Variants in TMCC1 observed in about 807,000 individuals in gnomAD.
TMCC1 encodes the protein transmembrane and coiled-coil domains protein 1.
TMCC1 carries 15 observed loss-of-function variants against 52.4 expected under a neutral mutation model. The observed-to-expected ratio is 0.29, with a 90% CI of 0.19 to 0.44. TMCC1 has a LOEUF of 0.44. Ranked by LOEUF, TMCC1 falls within the 20% of genes least tolerant of loss-of-function variation. The pLI is 1.00. For synonymous variants in TMCC1, 279 were observed against 301.9 expected, an observed-to-expected ratio of 0.92 and a Z score of 0.79; for missense variants, 503 against 806.0, an observed-to-expected ratio of 0.62 and a Z score of 4.55.
intron 2 of TMCC1, among the ~76,000 whole-genome samples, chr3:129,859,883 C>G (rs2060309781): frequency 6.6e-6 from 1 of 152,114 alleles, no homozygotes; most frequent in South Asian, 2.1e-4. Context: ...AAATTTCCCA[C>G]TAATCACTAG....
intron 4 of TMCC1, among the ~76,000 whole-genome samples, chr3:129,747,264 ATTCT>A (rs997071793): frequency 7.2e-5 from 11 of 152,162 alleles, no homozygotes; most frequent in Admixed American, 7.2e-4. Flanking sequence ...AAAACTATGC[ATTCT>A]TTCTCCCGAA....
At chr3:129,882,898 T>C (rs1053221260) in intron 1 of TMCC1, among the ~76,000 whole-genome samples, 3 of 152,140 alleles carry the variant, frequency 2.0e-5, no homozygotes, top group Admixed American at 6.6e-5. Flanking sequence ...TAAAAGACTT[T>C]CAGTTTGCAA....
intron 4 of TMCC1, among the ~76,000 whole-genome samples, chr3:129,743,382 A>G (rs1283988466): frequency 2.0e-5 from 3 of 152,188 alleles, no homozygotes; most frequent in Admixed American, 6.5e-5. Context: ...AGGGATTGGG[A>G]TAAGGAAGGA....
At chr3:129,653,587 G>A (rs2086481147) in intron 6 of TMCC1, among the ~76,000 whole-genome samples, 2 of 152,142 alleles carry the variant, frequency 1.3e-5, no homozygotes, top group African/African-American at 4.8e-5. Flanking sequence ...GGGACTACAG[G>A]TGCCCGCCAA....
chr3:129,854,190 G>A lies in TMCC1; in HGVS notation c.-183-21364C>T, dbSNP rs533241677. 6.6e-5 allele frequency among the ~76,000 whole-genome samples: 10 copies of A among 152,000 alleles called. No individual in the cohort carries two copies. The South Asian group carries it at 1.0e-3, about 16-fold the overall frequency. Reference sequence around the variant, plus strand: ...GTGGATCACTTGAGGTCCTGAGTTCGAGACCAGCCTGGCCAACATGGTGAA... The same window carrying A: ...GTGGATCACTTGAGGTCCTGAGTTCAAGACCAGCCTGGCCAACATGGTGAA... On this transcript the variant is annotated intron_variant, in intron 2 of 6. Coordinates refer to ENST00000393238, the MANE Select transcript of TMCC1 (RefSeq NM_001017395.5).
intron 4 of TMCC1, among the ~76,000 whole-genome samples, chr3:129,761,562 T>G (rs984182368): frequency 6.6e-6 from 1 of 152,088 alleles, no homozygotes; most frequent in Admixed American, 6.6e-5. Context: ...ATGTTATAAT[T>G]TCTTGTCTTT....
chr3:129,888,098 A>T (rs2061802869), intron 1 of TMCC1, among the ~76,000 whole-genome samples: 1 of 152,246 alleles, frequency 6.6e-6, no homozygotes, highest in African/African-American at 2.4e-5. Context: ...AGTTTCCCAC[A>T]GGTATACAGA....
chr3:129,702,001 A>G (rs2047874201), intron 4 of TMCC1, among the ~76,000 whole-genome samples: 2 of 152,316 alleles, frequency 1.3e-5, no homozygotes, highest in South Asian at 4.1e-4. Context: ...ATAAAATGGT[A>G]TAATAAAATA....
chr3:129,708,610 T>C (rs986616368), intron 4 of TMCC1, among the ~76,000 whole-genome samples: 1 of 152,236 alleles, frequency 6.6e-6, no homozygotes, highest in Non-Finnish European at 1.5e-5. Context: ...TTTCAGCTGT[T>C]TGACATCTTC....
At chr3:129,839,702 T>A (rs760259152) in intron 2 of TMCC1, among the ~76,000 whole-genome samples, 1 of 151,820 alleles carries the variant, frequency 6.6e-6, no homozygotes, top group Non-Finnish European at 1.5e-5. Flanking sequence ...CTGGGCAACA[T>A]AGTGAGACCC....
Position 129,651,387 on chromosome 3 carries a change from T to C in TMCC1, c.*94A>G. On this transcript the variant is annotated 3_prime_UTR_variant, in exon 7 of 7. Transcript: ENST00000393238. This position sits in a 1 kb window ranked among gnomAD's most constrained non-coding sequence, Gnocchi z 5.1. ...AAACAGATTCACTCAACTCTTTTTT[T>C]GTTGTAGAAAACTTCAGAGTAGGTA... is the stretch of plus-strand genomic sequence containing the variant. 3.8e-6 allele frequency: 5 copies of C among 1,320,570 alleles called. No homozygotes were observed. The highest frequency in any genetic ancestry group is 3.1e-6 in the Non-Finnish European group (3 of 961,906). 81.8% of individuals were successfully genotyped at this position (1,320,570 alleles called of 1,614,324 possible).
intron 4 of TMCC1, among the ~76,000 whole-genome samples, chr3:129,740,686 C>T (rs1180267319): frequency 6.6e-6 from 1 of 152,094 alleles, no homozygotes; most frequent in Non-Finnish European, 1.5e-5. Flanking sequence ...AGAACCAATT[C>T]TAAGAAATGA....
At position 129,805,151 on chromosome 3, in the gene TMCC1, TTTTA is replaced by T. The variant is rs145843865; in HGVS notation, c.576+22648_576+22651del. Reference sequence around the variant, plus strand: ...TAAGCCTTAATATCGAAAGTCACCTTTTTATTTATTTATTTATTTATTTATTTTG... The same window carrying T: ...TAAGCCTTAATATCGAAAGTCACCTTTTTATTTATTTATTTATTTATTTTG... On this transcript the variant is annotated intron_variant, in intron 4 of 6. Coordinates refer to ENST00000393238, the MANE Select transcript of TMCC1 (RefSeq NM_001017395.5). Among the ~76,000 whole-genome samples, 341 of 152,024 alleles carry T rather than the reference TTTTA, an allele frequency of 2.2e-3. 5 individuals are homozygous for T. The highest frequency in any genetic ancestry group is 2.6e-3 in the Non-Finnish European group (175 of 67,960).
intron 5 of TMCC1, among the ~76,000 whole-genome samples, chr3:129,663,470 T>C (rs1379259978): frequency 6.6e-6 from 1 of 152,196 alleles, no homozygotes; most frequent in African/African-American, 2.4e-5. Context: ...GTAGGGAGTA[T>C]GACTTGCGGT....
chr3:129,788,899 C>T (rs750731668), intron 4 of TMCC1, among the ~76,000 whole-genome samples: 8 of 152,172 alleles, frequency 5.3e-5, no homozygotes, highest in Non-Finnish European at 1.0e-4. Flanking sequence ...AGCAGATAGA[C>T]ATATGCATAG....
At chr3:129,697,420 G>C (rs996044285) in intron 4 of TMCC1, among the ~76,000 whole-genome samples, 1 of 152,108 alleles carries the variant, frequency 6.6e-6, no homozygotes, top group African/African-American at 2.4e-5. Flanking sequence ...GGGGGTCCTC[G>C]GCCTGGCCCA....
chr3:129,773,673 G>A (rs900357120), intron 4 of TMCC1, among the ~76,000 whole-genome samples: 1 of 152,166 alleles, frequency 6.6e-6, no homozygotes, highest in African/African-American at 2.4e-5. Flanking sequence ...GGCTGGGCGA[G>A]GTGGCTCATG....
intron 4 of TMCC1, among the ~76,000 whole-genome samples, chr3:129,784,870 A>C (rs1245133826): frequency 6.6e-6 from 1 of 151,746 alleles, no homozygotes; most frequent in African/African-American, 2.4e-5. Context: ...AGGCTGAGGG[A>C]GATCACCTGA....
chr3:129,665,744 CT>C (rs1039271468), intron 5 of TMCC1, among the ~76,000 whole-genome samples: 5 of 152,140 alleles, frequency 3.3e-5, no homozygotes, highest in Non-Finnish European at 7.3e-5. Flanking sequence ...TCAGACAAAA[CT>C]GGGTTTTGAA....
Sources: allele counts gnomAD v4.1 joint callset (sites outside exome capture counted in the v4.1 genomes callset), GRCh38; gene constraint gnomAD v4.1.1; non-coding constraint Gnocchi (gnomAD v3.1); transcripts MANE v1.5; gene names NCBI Gene and HGNC (gene_info 2026-07-23, HGNC 2026-07-21).